ATP6V1B2: variants seen among roughly 807,000 people sequenced by gnomAD.
ATP6V1B2 encodes V-type proton ATPase subunit B, brain isoform.
ATP6V1B2 carries 23 observed loss-of-function variants against 66.7 expected under a neutral mutation model. The observed-to-expected ratio is 0.34, with a 90% CI of 0.25 to 0.49. ATP6V1B2 has a LOEUF of 0.49. ATP6V1B2 is among the 20% of genes least tolerant of loss of function. The probability of loss-of-function intolerance (pLI) is 0.99; values close to 1 mark genes in which losing one functional copy is unlikely to be tolerated. For missense variants in ATP6V1B2, 478 were observed against 650.8 expected, an observed-to-expected ratio of 0.73 and a Z score of 2.89; for synonymous variants, 278 against 236.7, an observed-to-expected ratio of 1.17 and a Z score of -1.60.
intron 12 of ATP6V1B2, 75 bp from the exon 13 acceptor site, chr8:20,218,078 G>A (rs921937841): frequency 3.2e-6 from 5 of 1,565,150 alleles, no homozygotes; most frequent in Non-Finnish European, 4.3e-6. Context: ...AACTAGAGCA[G>A]TACATTCCTA....
At chr8:20,212,306 G>A (rs549697154) in intron 8 of ATP6V1B2, 107 bp downstream of exon 8, 4 of 1,008,190 alleles carry the variant, frequency 4.0e-6, no homozygotes, top group East Asian at 5.2e-5. Context: ...ACCTAACAAT[G>A]AGGTAACCCT....
Position 20,210,372 on chromosome 8 carries a change from T to C in ATP6V1B2, c.318T>C (p.Asp106=), listed in dbSNP as rs780145539. The part of the protein sequence containing the change: ...VQVFEGTSGI[D]AKKTSCEFTG... ...TATTTGAAGGGACTTCAGGTATAGA[T>C]GCTAAGAAAACGTCCTGTGAGTTTA... The change falls in exon 4 of 14, where the codon GAT becomes GAC. Residue 106 remains aspartate, a synonymous_variant. Coordinates refer to ENST00000276390, the MANE Select transcript of ATP6V1B2 (RefSeq NM_001693.4). 55 of 1,613,446 alleles carry C rather than the reference T, an allele frequency of 3.4e-5. No homozygotes were observed. The Middle Eastern group carries it at 5.0e-4, about 15-fold the overall frequency.
chr8:20,200,499 C>T (rs2072675035), intron 1 of ATP6V1B2, among the ~76,000 whole-genome samples: 1 of 152,080 alleles, frequency 6.6e-6, no homozygotes, highest in Non-Finnish European at 1.5e-5. Context: ...AAATTAGATC[C>T]TTTTAAAAAA....
chr8:20,212,289 C>T (rs1320876623), intron 8 of ATP6V1B2, 90 bp downstream of exon 8: 1 of 1,204,450 alleles, frequency 8.3e-7, no homozygotes, highest in African/African-American at 1.5e-5. Context: ...GTAATAACAG[C>T]ATTTGGACCT....
chr8:20,205,609 A>G (rs568384135), intron 2 of ATP6V1B2, among the ~76,000 whole-genome samples: 10 of 152,330 alleles, frequency 6.6e-5, no homozygotes, highest in Admixed American at 2.6e-4. Context: ...AGAAAAATCT[A>G]TTTAGACTAT....
intron 1 of ATP6V1B2, among the ~76,000 whole-genome samples, chr8:20,201,752 T>A (rs1252918345): frequency 2.0e-5 from 3 of 152,202 alleles, no homozygotes; most frequent in Non-Finnish European, 4.4e-5. Flanking sequence ...CTGCTCCTTT[T>A]AACAGAAAAC....
intron 3 of ATP6V1B2, among the ~76,000 whole-genome samples, chr8:20,210,083 T>A (rs2072778023): frequency 6.8e-6 from 1 of 147,688 alleles, no homozygotes; most frequent in South Asian, 2.1e-4. Flanking sequence ...TATATAAACA[T>A]ATATATATTT....
chr8:20,220,176 A>G (rs1019894846), intron 13 of ATP6V1B2, 87 bp from the exon 14 acceptor site: 7 of 1,439,936 alleles, frequency 4.9e-6, no homozygotes, highest in Non-Finnish European at 6.5e-6. Flanking sequence ...TATTTAATAC[A>G]CTGCTAGTCA....
intron 5 of ATP6V1B2, 134 bp from the exon 6 acceptor site, chr8:20,211,043 T>G: frequency 8.7e-7 from 1 of 1,153,564 alleles, no homozygotes; most frequent in Non-Finnish European, 1.2e-6. Context: ...TGATTTTTTT[T>G]GTAGTAAAGA....
intron 1 of ATP6V1B2, among the ~76,000 whole-genome samples, chr8:20,199,705 G>C (rs2072665317): frequency 7.0e-6 from 1 of 143,752 alleles, no homozygotes; most frequent in South Asian, 2.2e-4. Flanking sequence ...CCGCCTTCCA[G>C]ATTCGAGCAA....
chr8:20,220,871 A>G lies in ATP6V1B2; in HGVS notation c.*469A>G, dbSNP rs149082487. On this transcript the variant is annotated 3_prime_UTR_variant, in exon 14 of 14. Coordinates refer to ENST00000276390, the MANE Select transcript of ATP6V1B2 (RefSeq NM_001693.4). ...GAGTGTTTGCTTTCGGTTTGTTGGT[A>G]TGCCTGTATTGCTGGGCTGTGCTGC... The G allele has an allele frequency of 9.1e-3, 1,402 of 153,250 alleles. 26 individuals carry two copies. Among genetic ancestry groups the G allele is most frequent in the African/African-American group, 0.032 (1,328 of 41,598 alleles). The allele number at this position is 153,250 out of a possible 1,614,324, so 9.5% of individuals were successfully genotyped here. A position where few individuals can be genotyped will look rare whatever the true frequency, so the allele number is the denominator to read the frequency against.
chr8:20,205,684 AG>A (rs1377461868), intron 2 of ATP6V1B2, among the ~76,000 whole-genome samples: 2 of 152,228 alleles, frequency 1.3e-5, no homozygotes, highest in Admixed American at 1.3e-4. Context: ...TATAGGATCA[AG>A]GAACAGATAA....
At chr8:20,213,018 A>G in intron 9 of ATP6V1B2, 113 bp downstream of exon 9, 1 of 1,370,696 alleles carries the variant, frequency 7.3e-7, no homozygotes, top group Non-Finnish European at 1.0e-6. Context: ...CTGTTCATAT[A>G]TTAATAGAAT....
At chr8:20,198,504 G>A (rs772274300) in intron 1 of ATP6V1B2, among the ~76,000 whole-genome samples, 1 of 152,218 alleles carries the variant, frequency 6.6e-6, no homozygotes, top group African/African-American at 2.4e-5. Context: ...ATGCAGTTGT[G>A]TAGCATCCAA....
At position 20,217,229 on chromosome 8, in the gene ATP6V1B2, C is replaced by T; in HGVS notation, c.1171C>T (p.Pro391Ser). ...RQLHNRQIYPPINVLPSLSRL... is the reference protein window; with the variant it reads ...RQLHNRQIYPSINVLPSLSRL... Reference sequence around the variant, plus strand: ...TCTCATTCTACCCAAGATTTATCCACCTATCAATGTGCTGCCCTCACTATC... The same window carrying T: ...TCTCATTCTACCCAAGATTTATCCATCTATCAATGTGCTGCCCTCACTATC... Residue 391 changes from proline to serine, a missense_variant, in exon 12 of 14, where the codon CCT (proline) becomes TCT (serine). Coordinates refer to ENST00000276390, the MANE Select transcript of ATP6V1B2 (RefSeq NM_001693.4). The T allele has an allele frequency of 6.2e-7, 1 of 1,611,836 alleles. No individual in the cohort carries two copies. Among genetic ancestry groups the T allele is most frequent in the Non-Finnish European group, 8.5e-7 (1 of 1,178,134 alleles).
At chr8:20,219,405 G>A (rs1483988789) in intron 13 of ATP6V1B2, among the ~76,000 whole-genome samples, 1 of 152,122 alleles carries the variant, frequency 6.6e-6, no homozygotes, top group Admixed American at 6.5e-5. Flanking sequence ...AAAAAAACCT[G>A]TAGTGGTTTT....
chr8:20,203,844 C>T (rs968702390), intron 1 of ATP6V1B2: 5 of 366,618 alleles, frequency 1.4e-5, no homozygotes, highest in Non-Finnish European at 2.6e-5. Flanking sequence ...TAAAAGGATC[C>T]TTTTCTTATC....
intron 1 of ATP6V1B2, among the ~76,000 whole-genome samples, chr8:20,200,709 C>G (rs2128884461): frequency 6.6e-6 from 1 of 152,282 alleles, no homozygotes; most frequent in Admixed American, 6.5e-5. Context: ...CTCCATTTTT[C>G]TTGAGACCCT....
chr8:20,212,270 T>C, intron 8 of ATP6V1B2, 71 bp downstream of exon 8: 1 of 1,403,890 alleles, frequency 7.1e-7, no homozygotes, highest in Non-Finnish European at 1.0e-6. Flanking sequence ...GTTGGGGAGG[T>C]AAAATGTGGT....
Sources: allele counts gnomAD v4.1 joint callset (sites outside exome capture counted in the v4.1 genomes callset), GRCh38; gene constraint gnomAD v4.1.1; transcripts MANE v1.5; gene names NCBI Gene and HGNC (gene_info 2026-07-23, HGNC 2026-07-21).